RGPD8: variants seen among roughly 807,000 people sequenced by gnomAD.
The protein encoded by RGPD8 is RANBP2-like and GRIP domain-containing protein 8.
A neutral mutation model predicts 89.1 loss-of-function variants in RGPD8; 15 were observed. The observed-to-expected ratio is 0.17, with a 90% CI of 0.11 to 0.26. RGPD8 has a LOEUF of 0.26. RGPD8 is among the 10% of genes least tolerant of loss of function. The pLI is 1.00. For missense variants in RGPD8, 178 were observed against 1,179.6 expected (o/e 0.15, Z 12.44); for synonymous variants, 62 against 420.9 (o/e 0.15, Z 10.44).
chr2:112,402,571 T>C (rs1678910471), intron 9 of RGPD8, among the ~76,000 whole-genome samples: 1 of 141,482 alleles, frequency 7.1e-6, no homozygotes, highest in African/African-American at 2.9e-5. Context: ...GTATAATCTT[T>C]CTGTCATTTT....
chr2:112,424,324 A>C lies in RGPD8; in HGVS notation c.73-17T>G. ...CATTGACTTCTAAAAAAAAATTAAA[A>C]GTTGTTTTATGTTTCATACAGAAAT... On this transcript the variant is annotated splice_polypyrimidine_tract_variant and intron_variant, in intron 1 of 22. Transcript: ENST00000302558. 1 of 1,594,576 alleles carries C rather than the reference A, an allele frequency of 6.3e-7. No individual in the cohort carries two copies. Among genetic ancestry groups the C allele is most frequent in the East Asian group, 2.2e-5 (1 of 44,728 alleles).
At chr2:112,416,183 T>A (rs1285473172) in intron 6 of RGPD8, among the ~76,000 whole-genome samples, 2 of 152,116 alleles carry the variant, frequency 1.3e-5, no homozygotes, top group Non-Finnish European at 2.9e-5. Context: ...AAGGAACTTG[T>A]GACCAAAAAA....
chr2:112,385,708 TTC>T (rs1386664130), intron 20 of RGPD8, among the ~76,000 whole-genome samples: 1 of 145,630 alleles, frequency 6.9e-6, no homozygotes, highest in Non-Finnish European at 1.5e-5. Context: ...TTTTAACTGT[TTC>T]TTTTTATTCT....
Position 112,370,376 on chromosome 2 carries a change from T to C in RGPD8, c.5264-164A>G, listed in dbSNP as rs1239333516. Among the ~76,000 whole-genome samples the C allele has an allele frequency of 4.1e-5, 6 of 144,582 alleles. No homozygotes were observed. In the South Asian group the frequency reaches 1.3e-3, roughly 32 times the overall value. The allele number at this position is 144,582 out of a possible 152,430, so 94.9% of individuals were successfully genotyped here. Reference sequence around the variant, plus strand: ...GGGGGGGGGTTCTTTTTTTTTTTTTTTTTTTTTTTTTTTTGAGATAGGGTC... The same window carrying C: ...GGGGGGGGGTTCTTTTTTTTTTTTTCTTTTTTTTTTTTTTGAGATAGGGTC... On this transcript the variant is annotated intron_variant, in intron 22 of 22. Coordinates refer to ENST00000302558, the MANE Select transcript of RGPD8 (RefSeq NM_001164463.1).
intron 7 of RGPD8, among the ~76,000 whole-genome samples, chr2:112,411,119 C>A (rs1420127528): frequency 1.3e-5 from 2 of 152,302 alleles, no homozygotes; most frequent in African/African-American, 4.8e-5. Context: ...GAAGGAGGGG[C>A]CTTCTCTAAA....
intron 21 of RGPD8, among the ~76,000 whole-genome samples, 160 bp downstream of exon 21, chr2:112,380,664 A>AAAAG (rs1678266258): frequency 1.3e-5 from 2 of 150,366 alleles, no homozygotes; most frequent in South Asian, 4.2e-4. Context: ...AAAAAAAAAA[A>AAAAG]AAAAAAAGGC....
chr2:112,382,061 A>C (rs1179163017), intron 20 of RGPD8, among the ~76,000 whole-genome samples: 2 of 151,630 alleles, frequency 1.3e-5, no homozygotes, highest in South Asian at 2.1e-4. Flanking sequence ...AATATAAAGC[A>C]GGCAGAAAAA....
chr2:112,426,906 A>G (rs1679795429), intron 1 of RGPD8, among the ~76,000 whole-genome samples: 1 of 150,044 alleles, frequency 6.7e-6, no homozygotes, highest in African/African-American at 2.5e-5. Context: ...GCTCACTGCA[A>G]CCTCTGCGTC....
At chr2:112,402,429 C>G (rs1299625245) in intron 9 of RGPD8, among the ~76,000 whole-genome samples, 1 of 148,992 alleles carries the variant, frequency 6.7e-6, no homozygotes, top group Admixed American at 6.7e-5. Context: ...ATTGCTTGAA[C>G]CTGGCAGCCG....
chr2:112,429,733 C>T (rs974115634), intron 1 of RGPD8, among the ~76,000 whole-genome samples: 4 of 152,086 alleles, frequency 2.6e-5, no homozygotes, highest in African/African-American at 4.8e-5. Flanking sequence ...AATAAGAAAT[C>T]GACTTGACAG....
rs1386448287 is a variant in RGPD8, at chr2:112,380,865, C to T, written c.5020G>A (p.Glu1674Lys). ...AGGACTGCATTGGTTGCCTCTATTT[C>T]CCGAAGCAGGCCGTTTAAGTGATCT... is the stretch of plus-strand genomic sequence containing the variant. ...SADHLNGLLR[E>K]IEATNAVLME... Residue 1674 changes from glutamate (E) to lysine (K), a missense_variant, in exon 21 of 23, where the codon GAA becomes AAA. Physicochemically the swap from Glu to Lys is moderately conservative, Grantham distance 56. Coordinates refer to ENST00000302558, the MANE Select transcript of RGPD8 (RefSeq NM_001164463.1). 7.1e-7 allele frequency: 1 copy of T among 1,406,452 alleles called. No individual in the cohort carries two copies. Among genetic ancestry groups the T allele is most frequent in the African/African-American group, 1.4e-5 (1 of 69,914 alleles). The allele number at this position is 1,406,452 out of a possible 1,614,324, so 87.1% of individuals were successfully genotyped here.
chr2:112,415,097 G>A (rs1450044666), intron 6 of RGPD8, among the ~76,000 whole-genome samples: 1 of 147,278 alleles, frequency 6.8e-6, no homozygotes, highest in East Asian at 2.0e-4. Context: ...AACTAGCCAG[G>A]TGTGGGCTGG....
intron 1 of RGPD8, among the ~76,000 whole-genome samples, chr2:112,431,822 T>C (rs769542910): frequency 6.6e-6 from 1 of 152,146 alleles, no homozygotes; most frequent in African/African-American, 2.4e-5. Context: ...GTATTTTTAG[T>C]AGAGACAAGG....
intron 20 of RGPD8, among the ~76,000 whole-genome samples, chr2:112,382,244 G>GCATC (rs1268547322): frequency 1.3e-5 from 2 of 152,262 alleles, no homozygotes; most frequent in African/African-American, 2.4e-5. Flanking sequence ...TACTTAATAA[G>GCATC]CATCCATCCA....
chr2:112,433,188 T>C (rs1680132439), intron 1 of RGPD8, among the ~76,000 whole-genome samples, 194 bp downstream of exon 1: 1 of 129,186 alleles, frequency 7.7e-6, no homozygotes, highest in South Asian at 2.4e-4. Context: ...GCAGCGCCCG[T>C]CGGGAGCCAT....
intron 22 of RGPD8, 147 bp from the exon 23 acceptor site, chr2:112,370,359 G>GGGC (rs1249646916): frequency 9.9e-6 from 1 of 100,750 alleles, no homozygotes; most frequent in Non-Finnish European, 1.7e-5. Context: ...GGGGGGGGGG[G>GGGC]TTCTTTTTTT....
chr2:112,430,031 C>T (rs1679958878), intron 1 of RGPD8, among the ~76,000 whole-genome samples: 1 of 152,114 alleles, frequency 6.6e-6, no homozygotes, highest in Non-Finnish European at 1.5e-5. Flanking sequence ...GGTCTCTCGG[C>T]CTCCCAAAGT....
At chr2:112,410,342 T>C (rs2104805229) in intron 7 of RGPD8, among the ~76,000 whole-genome samples, 1 of 147,394 alleles carries the variant, frequency 6.8e-6, no homozygotes, top group Non-Finnish European at 1.5e-5. Flanking sequence ...AGAATTTCTA[T>C]AAGAACCTTT....
chr2:112,402,495 C>CAAGAAAAAAGAAAAGAAAAGAA (rs1553503523), intron 9 of RGPD8, among the ~76,000 whole-genome samples: 1 of 147,012 alleles, frequency 6.8e-6, no homozygotes. Context: ...GTCTCAAAAA[C>CAAGAAAAAAGAAAAGAAAAGAA]AAGAAAAGAA....
Sources: allele counts gnomAD v4.1 joint callset (sites outside exome capture counted in the v4.1 genomes callset), GRCh38; gene constraint gnomAD v4.1.1; transcripts MANE v1.5; gene names NCBI Gene and HGNC (gene_info 2026-07-23, HGNC 2026-07-21).